DICER1: variants seen among roughly 807,000 people sequenced by gnomAD.
DICER1 encodes the protein endoribonuclease Dicer.
DICER1 carries 43 observed loss-of-function variants against 194.1 expected under a neutral mutation model. The observed-to-expected ratio is 0.22, with a 90% confidence interval of 0.17 to 0.29. DICER1 has a LOEUF of 0.29. Among genes scored for constraint, DICER1 ranks in the 10% least tolerant of loss-of-function variants. The pLI is 1.00. For missense variants in DICER1, 1,608 were observed against 2,317.0 expected, an observed-to-expected ratio of 0.69 and a Z score of 6.28; for synonymous variants, 832 against 820.5, an observed-to-expected ratio of 1.01 and a Z score of -0.24.
At chr14:95,144,999 C>G (rs1895042348) in intron 1 of DICER1, among the ~76,000 whole-genome samples, 1 of 152,218 alleles carries the variant, frequency 6.6e-6, no homozygotes, top group Non-Finnish European at 1.5e-5. Flanking sequence ...ACCGTCTAAT[C>G]ACCTTCCCAC....
In DICER1 at chr14:95,106,630, TG is replaced by T. The variant is rs1253621543; in HGVS notation, c.2805-408del. On this transcript the variant is annotated intron_variant, in intron 17 of 26. Transcript: ENST00000343455. Reference sequence around the variant, plus strand: ...ATTACTGCATCATCTATGATAGTGATGGTCCTGATAACTAACATTTAAAATA... The same window carrying T: ...ATTACTGCATCATCTATGATAGTGATGTCCTGATAACTAACATTTAAAATA... Among the ~76,000 whole-genome samples the T allele has an allele frequency of 2.6e-5, 4 of 152,070 alleles. No homozygotes were observed. The South Asian group carries it at 8.3e-4, about 31-fold the overall frequency.
chr14:95,090,063 GGC>G lies in DICER1; in HGVS notation c.*433_*434del. 3.0e-6 allele frequency: 1 copy of G among 327,992 alleles called. No individual in the cohort carries two copies. Among genetic ancestry groups the G allele is most frequent in the African/African-American group, 2.1e-5 (1 of 46,624 alleles). 20.3% of individuals were successfully genotyped at this position (327,992 alleles called of 1,614,324 possible). ...TCAGCTTATCAACTACTGCAGGACT[GGC>G]ACTACTGCACACACGGAGAGATGGA... On this transcript the variant is annotated 3_prime_UTR_variant, in exon 27 of 27. Transcript: ENST00000343455.
rs1356351330 is a variant in DICER1 at position 95,104,100 on chromosome 14, T to C, written c.3296A>G (p.Lys1099Arg). The change falls in exon 21 of 27, where the codon AAA (lysine) becomes AGA (arginine). Residue 1099 changes from lysine to arginine, a missense_variant. Physicochemically the swap from Lys to Arg is conservative, Grantham distance 26. Transcript: ENST00000343455. ...FRYPNLDFGW[K>R]KSIDSKSFIS... is the part of the protein sequence containing the mutation. The stretch of plus-strand genomic sequence containing the variant: ...GAAAGATTTGCTGTCAATAGATTTT[T>C]TCCACCCGAAGTCTAAGTTAGGGTA... 2.5e-6 allele frequency: 4 copies of C among 1,613,656 alleles called. No homozygotes were observed. Among genetic ancestry groups the C allele is most frequent in the Non-Finnish European group, 3.4e-6 (4 of 1,179,990 alleles).
chr14:95,128,110 T>C (rs1221292113), intron 6 of DICER1, among the ~76,000 whole-genome samples: 2 of 152,246 alleles, frequency 1.3e-5, no homozygotes, highest in African/African-American at 4.8e-5. Flanking sequence ...GGGTCTTTTA[T>C]GCCTTTCATA....
At chr14:95,129,694 C>T (rs1161948495) in intron 5 of DICER1, 62 bp from the exon 6 acceptor site, 9 of 1,460,376 alleles carry the variant, frequency 6.2e-6, no homozygotes, top group Middle Eastern at 1.7e-4. Context: ...ACAAGAGAGA[C>T]ATCGCCATAT....
At chr14:95,107,446 T>C (rs1891530116) in intron 17 of DICER1, among the ~76,000 whole-genome samples, 162 bp downstream of exon 17, 1 of 151,994 alleles carries the variant, frequency 6.6e-6, no homozygotes, top group South Asian at 2.1e-4. Flanking sequence ...GAGACGAGGT[T>C]TCACCATGCT....
chr14:95,104,939 A>AGACAT lies in DICER1; in HGVS notation c.3269+127_3269+131dup, dbSNP rs1441304719. 2.3e-5 allele frequency: 20 copies of AGACAT among 871,628 alleles called. No homozygotes were observed. The South Asian group carries it at 2.6e-4, about 11-fold the overall frequency. 54.0% of individuals were successfully genotyped at this position (871,628 alleles called of 1,614,324 possible). ...TCTCATCTCCCTCTGAGACTTGACA[A>AGACAT]GACATAAGATATCCATTATTTTCTT... On this transcript the variant is annotated intron_variant, in intron 20 of 26. Transcript: ENST00000343455.
In DICER1 at chr14:95,087,161, G is replaced by GA. The variant is rs1308564104; in HGVS notation, c.*3336dup. On this transcript the variant is annotated 3_prime_UTR_variant, in exon 27 of 27. Transcript: ENST00000343455. ...CGACTGAAGAAGCCGACTGCCGGGG[G>GA]AACACCTGGATTCATGAACCAAAGC... 4 of 233,098 alleles carry GA rather than the reference G, an allele frequency of 1.7e-5. No homozygotes were observed. The highest frequency in any genetic ancestry group is 3.4e-5 in the Non-Finnish European group (4 of 117,804). The allele number at this position is 233,098 out of a possible 1,614,324, so 14.4% of individuals were successfully genotyped here.
rs575147494 is a variant in DICER1, at chr14:95,154,863, T to C, written c.-46+2367A>G. Among the ~76,000 whole-genome samples the C allele has an allele frequency of 1.0e-4, 14 of 140,470 alleles. No homozygotes were observed. In the East Asian group the frequency reaches 1.2e-3, roughly 12 times the overall value. 92.2% of individuals were successfully genotyped at this position (140,470 alleles called of 152,430 possible). ...ACGTTGTGTTATGTATATTTTACCATGCCAAAAAAAAAAAAAAACAACTAT... is the reference window on the plus strand; with the variant it reads ...ACGTTGTGTTATGTATATTTTACCACGCCAAAAAAAAAAAAAAACAACTAT... On this transcript the variant is annotated intron_variant, in intron 1 of 26. Transcript: ENST00000343455.
chr14:95,100,007 T>C, intron 21 of DICER1, 72 bp from the exon 22 acceptor site: 2 of 1,508,136 alleles, frequency 1.3e-6, no homozygotes, highest in South Asian at 2.3e-5. Context: ...CATATTAACA[T>C]ATCCTCAGTT....
chr14:95,099,819 T>C lies in DICER1; in HGVS notation c.4167A>G (p.Gln1389=). 1 of 1,613,976 alleles carries C rather than the reference T, an allele frequency of 6.2e-7. No homozygotes were observed. The highest frequency in any genetic ancestry group is 8.5e-7 in the Non-Finnish European group (1 of 1,179,966). Residue 1389 remains glutamine, a synonymous_variant, in exon 22 of 27, where the codon CAA becomes CAG. Coordinates refer to ENST00000343455, the MANE Select transcript of DICER1 (RefSeq NM_177438.3). ...NWLPPGYVVN[Q]DKSNTDKWEK... ...CCCATTTATCTGTGTTGCTTTTGTC[T>C]TGATTTACTACATAACCAGGAGGAA... is the stretch of plus-strand genomic sequence containing the variant.
chr14:95,101,356 A>G (rs1890862092), intron 21 of DICER1, among the ~76,000 whole-genome samples: 2 of 152,198 alleles, frequency 1.3e-5, no homozygotes, highest in Admixed American at 1.3e-4. Context: ...CGAGTTTTGT[A>G]ATAGAAAGTC....
At chr14:95,153,476 T>C (rs1409157235) in intron 1 of DICER1, among the ~76,000 whole-genome samples, 1 of 152,244 alleles carries the variant, frequency 6.6e-6, no homozygotes, top group African/African-American at 2.4e-5. Context: ...TGAAAAAATG[T>C]TTCTCTATCG....
At position 95,115,787 on chromosome 14, in the gene DICER1, G is replaced by T. The variant is rs754852266; in HGVS notation, c.1787C>A (p.Thr596Asn). The change falls in exon 11 of 27, where the codon ACT (threonine) becomes AAT (asparagine). Residue 596 changes from threonine (T) to asparagine (N), a missense_variant. Physicochemically the swap from Thr to Asn is moderately conservative, Grantham distance 65. Transcript: ENST00000343455. ...LRNKCSKSVD[T>N]GETDIDPVMD... ...GACAGGATCAATGTCAGTCTCACCA[G>T]TATCAACCGACTTGGAACACTTGTT... 12 of 1,613,974 alleles carry T rather than the reference G, an allele frequency of 7.4e-6. No homozygotes were observed. The highest frequency in any genetic ancestry group is 1.0e-5 in the Non-Finnish European group (12 of 1,180,008).
intron 1 of DICER1, among the ~76,000 whole-genome samples, chr14:95,138,156 C>G (rs935291561): frequency 1.4e-4 from 21 of 152,172 alleles, no homozygotes; most frequent in African/African-American, 5.1e-4. Flanking sequence ...GTTGCAAATT[C>G]ACTCAGTGTC....
intron 21 of DICER1, among the ~76,000 whole-genome samples, chr14:95,101,743 C>T (rs1351735213): frequency 6.6e-6 from 1 of 152,128 alleles, no homozygotes; most frequent in African/African-American, 2.4e-5. Context: ...AGTTAGGTGA[C>T]CTGACAGGAG....
intron 1 of DICER1, among the ~76,000 whole-genome samples, chr14:95,137,372 G>A (rs1474652197): frequency 2.8e-5 from 4 of 141,272 alleles, no homozygotes; most frequent in Admixed American, 1.4e-4. Flanking sequence ...AAAAGGGAAG[G>A]GGGAAGGGGA....
Position 95,129,136 on chromosome 14 carries a change from A to G in DICER1, c.734+336T>C, listed in dbSNP as rs998315550. The G allele has an allele frequency of 1.7e-5, 4 of 231,432 alleles. No homozygotes were observed. The South Asian group carries it at 3.4e-4, about 19-fold the overall frequency. 14.3% of individuals were successfully genotyped at this position (231,432 alleles called of 1,614,324 possible). A position where few individuals can be genotyped will look rare whatever the true frequency, so the allele number is the denominator to read the frequency against. ...GTTCTTTGAAAGCATCATGTAAGAC[A>G]TTCAGGTCAGAACAACAAAGCACAC... On this transcript the variant is annotated intron_variant, in intron 6 of 26. Coordinates refer to ENST00000343455, the MANE Select transcript of DICER1 (RefSeq NM_177438.3).
chr14:95,103,742 G>C lies in DICER1; in HGVS notation c.3654C>G (p.Ser1218=), dbSNP rs745320264. Residue 1218 remains serine (S), a synonymous_variant, in exon 21 of 27, where the codon TCC becomes TCG. Coordinates refer to ENST00000343455, the MANE Select transcript of DICER1 (RefSeq NM_177438.3). ...EIPVQPTTSY[S]IQNLYSYENQ... ...TCTCGTAACTGTATAAATTCTGAAT[G>C]GAATATGAGGTAGTTGGTTGCACGG... The C allele has an allele frequency of 1.4e-5, 23 of 1,614,052 alleles. No homozygotes were observed. Among genetic ancestry groups the C allele is most frequent in the Non-Finnish European group, 1.6e-5 (19 of 1,180,040 alleles).
Sources: allele counts gnomAD v4.1 joint callset (sites outside exome capture counted in the v4.1 genomes callset), GRCh38; gene constraint gnomAD v4.1.1; transcripts MANE v1.5; gene names NCBI Gene and HGNC (gene_info 2026-07-23, HGNC 2026-07-21).